Variants in PPP2R2B observed in about 807,000 individuals in gnomAD.
PPP2R2B encodes serine/threonine-protein phosphatase 2A 55 kDa regulatory subunit B beta isoform.
Under a neutral mutation model 46.0 loss-of-function variants are expected in PPP2R2B, and 5 were observed. The observed-to-expected ratio is 0.11, with a 90% confidence interval of 0.06 to 0.23. PPP2R2B has a LOEUF of 0.23. Ranked by LOEUF, PPP2R2B falls within the 10% of genes least tolerant of loss-of-function variation. The pLI is 1.00. For synonymous variants in PPP2R2B, 215 were observed against 206.7 expected (o/e 1.04, Z -0.34); for missense variants, 367 against 575.0 (o/e 0.64, Z 3.70).
At chr5:146,757,458 G>A (rs1026607742) in intron 2 of PPP2R2B, among the ~76,000 whole-genome samples, 2 of 152,150 alleles carry the variant, frequency 1.3e-5, no homozygotes, top group Admixed American at 6.5e-5. Context: ...CATACCAGCA[G>A]AGAACTACAA....
At chr5:146,689,086 C>A (rs1460882346) in intron 5 of PPP2R2B, among the ~76,000 whole-genome samples, 1 of 152,092 alleles carries the variant, frequency 6.6e-6, no homozygotes, top group Non-Finnish European at 1.5e-5. Context: ...TATAGGCCCA[C>A]TATCAGTAGG....
chr5:146,635,511 G>A (rs1774756477), intron 7 of PPP2R2B, among the ~76,000 whole-genome samples: 2 of 152,188 alleles, frequency 1.3e-5, no homozygotes, highest in Admixed American at 1.3e-4. Context: ...AATGCATGTG[G>A]ATCTGTCTGA....
At chr5:146,706,613 C>T in intron 2 of PPP2R2B, 4 of 814,470 alleles carry the variant, frequency 4.9e-6, no homozygotes, top group Admixed American at 3.6e-5. Context: ...TGCGCTGCTC[C>T]GCATCTGCGA....
At chr5:147,073,512 AG>A (rs1372535069) in intron 2 of PPP2R2B, among the ~76,000 whole-genome samples, 4 of 151,688 alleles carry the variant, frequency 2.6e-5, no homozygotes, top group Non-Finnish European at 5.9e-5. Context: ...CTAGGTGCAG[AG>A]AAGAGATCTC....
At chr5:146,724,343 T>C (rs749618260) in intron 2 of PPP2R2B, among the ~76,000 whole-genome samples, 14 of 151,958 alleles carry the variant, frequency 9.2e-5, no homozygotes, top group Non-Finnish European at 1.5e-4. Flanking sequence ...TACATGAGAA[T>C]ATAAACATTT....
At chr5:146,686,276 G>A (rs1186471144) in intron 5 of PPP2R2B, among the ~76,000 whole-genome samples, 2 of 152,174 alleles carry the variant, frequency 1.3e-5, no homozygotes, top group Non-Finnish European at 2.9e-5. Context: ...TGGGGGTGAA[G>A]AGGAGGCAGA....
Position 146,781,158 on chromosome 5 carries a change from AT to A in PPP2R2B, c.71-80017del, listed in dbSNP as rs1439998329. On this transcript the variant is annotated intron_variant, in intron 2 of 9. Coordinates refer to ENST00000394411, the MANE Select transcript of PPP2R2B (RefSeq NM_181675.4). ...TATATATATATATATATATATATAT[AT>A]ATATATATATATATATAAAATTATT... Among the ~76,000 whole-genome samples, 41 of 122,848 alleles carry A rather than the reference AT, an allele frequency of 3.3e-4. 1 individual carries two copies. Among genetic ancestry groups the A allele is most frequent in the Middle Eastern group, 4.0e-3 (1 of 250 alleles). 80.6% of individuals were successfully genotyped at this position (122,848 alleles called of 152,430 possible).
chr5:146,624,969 G>A (rs964727575), intron 7 of PPP2R2B, among the ~76,000 whole-genome samples: 5 of 152,222 alleles, frequency 3.3e-5, no homozygotes, highest in African/African-American at 1.2e-4. Flanking sequence ...TCTTATTTAT[G>A]TGTGTGTTGT....
chr5:146,934,886 A>G (rs1432466380), intron 1 of PPP2R2B, among the ~76,000 whole-genome samples: 1 of 152,148 alleles, frequency 6.6e-6, no homozygotes, highest in Non-Finnish European at 1.5e-5. Flanking sequence ...ATCTGAATGT[A>G]GAATGATGGA....
At chr5:146,792,852 G>A (rs1756294243) in intron 2 of PPP2R2B, among the ~76,000 whole-genome samples, 1 of 152,162 alleles carries the variant, frequency 6.6e-6, no homozygotes, top group Non-Finnish European at 1.5e-5. Flanking sequence ...ATGATGTAGG[G>A]TCTTGCAGGC....
chr5:146,868,956 G>T (rs1321747610), intron 2 of PPP2R2B, among the ~76,000 whole-genome samples: 3 of 152,070 alleles, frequency 2.0e-5, no homozygotes, highest in African/African-American at 7.2e-5. Flanking sequence ...ATTTAAAGGG[G>T]GATAAGAACA....
At chr5:146,706,889 G>T in intron 2 of PPP2R2B, 2 of 1,266,420 alleles carry the variant, frequency 1.6e-6, no homozygotes, top group Non-Finnish European at 2.3e-6. Flanking sequence ...CAGCACCACA[G>T]ACGTGTCCGA....
intron 1 of PPP2R2B, among the ~76,000 whole-genome samples, chr5:146,884,453 G>A (rs1484234280): frequency 6.6e-6 from 1 of 152,126 alleles, no homozygotes; most frequent in Non-Finnish European, 1.5e-5. Context: ...ACGTAGGAAT[G>A]TTCGGTCATG....
chr5:147,016,868 T>C (rs1007876679), intron 1 of PPP2R2B, among the ~76,000 whole-genome samples: 2 of 151,664 alleles, frequency 1.3e-5, no homozygotes, highest in African/African-American at 2.4e-5. Flanking sequence ...ACAGCTTCTA[T>C]TCCAGAGCAA....
At chr5:146,901,750 A>C (rs1277053658) in intron 1 of PPP2R2B, among the ~76,000 whole-genome samples, 3 of 152,112 alleles carry the variant, frequency 2.0e-5, no homozygotes, top group African/African-American at 7.2e-5. Flanking sequence ...AGTGGTCAGG[A>C]AAATACTTTC....
rs1020267956 is a variant in PPP2R2B, at chr5:147,042,072, G to A, written c.79+13593C>T. On this transcript the variant is annotated intron_variant, in intron 1 of 8. Coordinates refer to the PPP2R2B transcript ENST00000336640. Reference sequence around the variant, plus strand: ...GGCGAGCTATATCCGCAGTTCCCAGGAATTCGTCCGATTGATAACGCCCAA... The same window carrying A: ...GGCGAGCTATATCCGCAGTTCCCAGAAATTCGTCCGATTGATAACGCCCAA... Among the ~76,000 whole-genome samples, 12 of 152,176 alleles carry A rather than the reference G, an allele frequency of 7.9e-5. 1 individual carries two copies. The highest frequency in any genetic ancestry group is 3.9e-4 in the Admixed American group (6 of 15,276).
chr5:146,621,366 A>G (rs1022554172), intron 7 of PPP2R2B, among the ~76,000 whole-genome samples: 1 of 152,240 alleles, frequency 6.6e-6, no homozygotes, highest in Non-Finnish European at 1.5e-5. Flanking sequence ...GGCTAAGAAG[A>G]GGCAGAGCTA....
chr5:146,879,096 A>G (rs549982152), upstream of PPP2R2B: 7 of 210,796 alleles, frequency 3.3e-5, no homozygotes, highest in African/African-American at 1.6e-4. Flanking sequence ...TCCTTTGGAT[A>G]GTCAGGAAGT....
chr5:146,594,051 A>G (rs1316570794), intron 8 of PPP2R2B, among the ~76,000 whole-genome samples: 1 of 152,166 alleles, frequency 6.6e-6, no homozygotes, highest in Non-Finnish European at 1.5e-5. Context: ...ACAGGAGTCA[A>G]AGATGACTCC....
Sources: allele counts gnomAD v4.1 joint callset (sites outside exome capture counted in the v4.1 genomes callset), GRCh38; gene constraint gnomAD v4.1.1; transcripts MANE v1.5; gene names NCBI Gene and HGNC (gene_info 2026-07-23, HGNC 2026-07-21).